The following USP32 variants were observed in gnomAD, a reference collection of about 807,000 sequenced individuals.
USP32 encodes the protein ubiquitin carboxyl-terminal hydrolase 32.
In USP32, 59 loss-of-function variants were observed where a neutral mutation model predicts 204.8. That is an observed-to-expected ratio of 0.29 (90% CI 0.23 to 0.36). The LOEUF is 0.36. Ranked by LOEUF, USP32 falls within the 10% of genes least tolerant of loss-of-function variation. The probability of loss-of-function intolerance (pLI) is 1.00; values close to 1 mark genes in which losing one functional copy is unlikely to be tolerated. For synonymous variants in USP32, 517 were observed against 678.4 expected, an observed-to-expected ratio of 0.76 and a Z score of 3.70; for missense variants, 1,160 against 1,946.4, an observed-to-expected ratio of 0.60 and a Z score of 7.60.
intron 16 of USP32, among the ~76,000 whole-genome samples, 186 bp from the exon 17 acceptor site, chr17:60,214,960 T>C (rs2085064751): frequency 6.6e-6 from 1 of 151,380 alleles, no homozygotes; most frequent in Non-Finnish European, 1.5e-5. Flanking sequence ...GTTCTTTTTG[T>C]TTGTTTGTTT....
intron 25 of USP32, among the ~76,000 whole-genome samples, chr17:60,206,688 G>C (rs2084835863): frequency 6.6e-6 from 1 of 151,536 alleles, no homozygotes; most frequent in Non-Finnish European, 1.5e-5. Context: ...ATATAATATT[G>C]GATTTCTTTC....
intron 9 of USP32, among the ~76,000 whole-genome samples, chr17:60,261,575 C>T (rs984170321): frequency 1.3e-5 from 2 of 151,512 alleles, no homozygotes; most frequent in African/African-American, 4.9e-5. Context: ...GAACCCAGGA[C>T]GTAGAGGTTC....
chr17:60,355,336 G>C (rs937183057), intron 1 of USP32, among the ~76,000 whole-genome samples: 1 of 152,094 alleles, frequency 6.6e-6, no homozygotes, highest in Non-Finnish European at 1.5e-5. Flanking sequence ...GAAATGTTCT[G>C]TATCTTGTCA....
chr17:60,360,288 C>T (rs8067239), intron 1 of USP32, among the ~76,000 whole-genome samples: 2 of 151,672 alleles, frequency 1.3e-5, no homozygotes, highest in Admixed American at 6.6e-5. Context: ...AGCCTGGCCA[C>T]CATGGCAAAA....
At position 60,344,128 on chromosome 17, in the gene USP32, A is replaced by ATTC. The variant is rs1555617235; in HGVS notation, c.186+1352_186+1353insGAA. Among the ~76,000 whole-genome samples the ATTC allele has an allele frequency of 1.3e-3, 176 of 131,176 alleles. 1 individual carries two copies. The highest frequency in any genetic ancestry group is 5.0e-3 in the African/African-American group (168 of 33,694). 86.1% of individuals were successfully genotyped at this position (131,176 alleles called of 152,430 possible). A position where few individuals can be genotyped will look rare whatever the true frequency, so the allele number is the denominator to read the frequency against. On this transcript the variant is annotated intron_variant, in intron 2 of 33. Coordinates refer to ENST00000300896, the MANE Select transcript of USP32 (RefSeq NM_032582.4). ...ATAATATACCAAGCCTAAAATTCCTATTTTTTTTTTTTTTTTTTGAGTCAG... is the reference window on the plus strand; with the variant it reads ...ATAATATACCAAGCCTAAAATTCCTATTCTTTTTTTTTTTTTTTTTTGAGTCAG...
At chr17:60,414,057 A>G (rs2090040535) in intron 1 of USP32, among the ~76,000 whole-genome samples, 2 of 151,504 alleles carry the variant, frequency 1.3e-5, no homozygotes, top group South Asian at 4.2e-4. Context: ...AAAACAACTC[A>G]GGGACACATA....
chr17:60,255,495 T>C (rs1359902446), intron 9 of USP32, among the ~76,000 whole-genome samples: 2 of 152,128 alleles, frequency 1.3e-5, no homozygotes, highest in African/African-American at 4.8e-5. Flanking sequence ...AAACGGGGTT[T>C]CACTATGTTG....
At chr17:60,395,773 T>C (rs1309917209), upstream of USP32, among the ~76,000 whole-genome samples, 2 of 152,160 alleles carry the variant, frequency 1.3e-5, no homozygotes, top group Admixed American at 6.5e-5. Context: ...CTACTTCCAG[T>C]TGGGCAACAG....
At chr17:60,352,825 A>C (rs1229803853) in intron 1 of USP32, among the ~76,000 whole-genome samples, 1 of 152,214 alleles carries the variant, frequency 6.6e-6, no homozygotes, top group Non-Finnish European at 1.5e-5. Flanking sequence ...TAAGGCATAA[A>C]GTAAAAAGGG....
intron 11 of USP32, among the ~76,000 whole-genome samples, chr17:60,236,929 G>A (rs2085742237): frequency 6.6e-6 from 1 of 152,030 alleles, no homozygotes; most frequent in African/African-American, 2.4e-5. Flanking sequence ...AGTTGGTTGT[G>A]CTTTATTACT....
intron 1 of USP32, among the ~76,000 whole-genome samples, chr17:60,373,152 C>T (rs1032732615): frequency 1.3e-5 from 2 of 152,090 alleles, no homozygotes; most frequent in African/African-American, 4.8e-5. Context: ...ATGATCACGC[C>T]ACTTCAATCT....
At position 60,201,652 on chromosome 17, in the gene USP32, C is replaced by T. The variant is rs150520954; in HGVS notation, c.3250-3208G>A. ...TTTACATTTCACTGATTACTAGTGT[C>T]GTTGATCATTTTTTTTTTTTTTTTG... On this transcript the variant is annotated intron_variant, in intron 26 of 33. Transcript: ENST00000300896. Among the ~76,000 whole-genome samples, 1,048 of 150,790 alleles carry T rather than the reference C, an allele frequency of 7.0e-3. 13 individuals are homozygous for T. Among genetic ancestry groups the T allele is most frequent in the African/African-American group, 0.024 (988 of 41,152 alleles).
chr17:60,270,721 G>A (rs962416164), intron 6 of USP32, among the ~76,000 whole-genome samples: 3 of 151,510 alleles, frequency 2.0e-5, no homozygotes, highest in African/African-American at 4.9e-5. Context: ...TACTTGGGGC[G>A]CTGAGATAGG....
At chr17:60,238,294 A>AG (rs891200286) in intron 11 of USP32, among the ~76,000 whole-genome samples, 14 of 152,156 alleles carry the variant, frequency 9.2e-5, no homozygotes, top group Non-Finnish European at 2.1e-4. Context: ...TATTCTAGTT[A>AG]GGAGACCCTT....
intron 1 of USP32, among the ~76,000 whole-genome samples, chr17:60,347,280 G>T (rs910867242): frequency 6.6e-6 from 1 of 151,584 alleles, no homozygotes; most frequent in African/African-American, 2.4e-5. Flanking sequence ...TGTCTCCCAG[G>T]TTCAAGCAAT....
At chr17:60,242,415 C>T (rs2085902508) in intron 11 of USP32, among the ~76,000 whole-genome samples, 1 of 152,068 alleles carries the variant, frequency 6.6e-6, no homozygotes, top group African/African-American at 2.4e-5. Flanking sequence ...ATAAGGGTTT[C>T]CTTTTTTTCT....
intron 11 of USP32, among the ~76,000 whole-genome samples, chr17:60,242,250 G>C (rs1458855828): frequency 1.3e-5 from 2 of 152,058 alleles, no homozygotes; most frequent in Non-Finnish European, 2.9e-5. Context: ...TCAGCCTCCT[G>C]AGTAGCTGGG....
chr17:60,271,612 C>A, intron 5 of USP32, 131 bp from the exon 6 acceptor site: 2 of 903,664 alleles, frequency 2.2e-6, no homozygotes, highest in East Asian at 2.9e-5. Context: ...TAATCACGAC[C>A]AAAAACAAAA....
chr17:60,190,476 T>C (rs2084352611), intron 29 of USP32, 87 bp downstream of exon 29: 1 of 1,433,266 alleles, frequency 7.0e-7, no homozygotes, highest in Admixed American at 2.8e-5. Context: ...GTTTTTAAAT[T>C]GTCTAAAACA....
Sources: gnomAD v4.1 joint callset for allele counts (sites outside exome capture counted in the v4.1 genomes callset) on GRCh38, gnomAD v4.1.1 for gene constraint, MANE v1.5 for transcripts, NCBI Gene and HGNC (gene_info 2026-07-23, HGNC 2026-07-21) for gene names.